The following TBC1D22A variants were observed in gnomAD, a reference collection of about 807,000 sequenced individuals.
TBC1D22A encodes putative GTPase activator.
In TBC1D22A, 38 loss-of-function variants were observed where a neutral mutation model predicts 60.2. The ratio of observed to expected loss-of-function variants is 0.63; its 90% confidence interval spans 0.49 to 0.83. The LOEUF (loss-of-function observed/expected upper bound fraction) is 0.83, where lower values mean the gene tolerates loss of function less well. Ranked by LOEUF, TBC1D22A falls within the 40% of genes least tolerant of loss-of-function variation. The pLI is 0.00. For missense variants in TBC1D22A, 628 were observed against 701.0 expected, an observed-to-expected ratio of 0.90 and a Z score of 1.18; for synonymous variants, 302 against 281.7, an observed-to-expected ratio of 1.07 and a Z score of -0.72.
intron 12 of TBC1D22A, among the ~76,000 whole-genome samples, chr22:47,127,938 A>ATCCTCTCCCACCCACCCC (rs2066525083): frequency 3.0e-5 from 1 of 33,418 alleles, no homozygotes; most frequent in African/African-American, 1.1e-4. Context: ...CCACCCACCC[A>ATCCTCTCCCACCCACCCC]TCCTCTCCTC....
intron 8 of TBC1D22A, among the ~76,000 whole-genome samples, chr22:46,960,034 CAA>C (rs1014644395): frequency 4.6e-5 from 7 of 152,150 alleles, no homozygotes; most frequent in African/African-American, 1.7e-4. Flanking sequence ...AGGATGGTGT[CAA>C]AGACTAACAT....
chr22:47,131,675 G>T (rs565086977), intron 12 of TBC1D22A, among the ~76,000 whole-genome samples: 1 of 152,226 alleles, frequency 6.6e-6, no homozygotes, highest in Non-Finnish European at 1.5e-5. Flanking sequence ...GACAGTGGGG[G>T]TCAGAGCCTG....
intron 1 of TBC1D22A, among the ~76,000 whole-genome samples, chr22:46,784,820 G>C (rs199800208): frequency 6.6e-6 from 1 of 152,220 alleles, no homozygotes; most frequent in East Asian, 1.9e-4. Context: ...CCAGTATTCA[G>C]ATTTCTGTGA....
At chr22:46,899,955 C>G (rs1309341351) in intron 7 of TBC1D22A, among the ~76,000 whole-genome samples, 1 of 152,080 alleles carries the variant, frequency 6.6e-6, no homozygotes, top group Non-Finnish European at 1.5e-5. Flanking sequence ...AGCATCCCTC[C>G]AACCCCCTGC....
At chr22:47,131,366 A>T (rs534908389) in intron 12 of TBC1D22A, among the ~76,000 whole-genome samples, 62 of 152,348 alleles carry the variant, frequency 4.1e-4, no homozygotes, top group African/African-American at 1.5e-3. Context: ...AGAAATGGTG[A>T]ACCTGCCTGC....
At chr22:47,097,805 C>T (rs2065242973) in intron 11 of TBC1D22A, among the ~76,000 whole-genome samples, 1 of 152,044 alleles carries the variant, frequency 6.6e-6, no homozygotes, top group Admixed American at 6.6e-5. Context: ...GTAATATATT[C>T]CTGTGTTCTT....
intron 1 of TBC1D22A, chr22:46,764,231 C>G (rs186008762): frequency 6.6e-6 from 1 of 152,186 alleles, no homozygotes; most frequent in African/African-American, 2.4e-5. Context: ...TCCACAGGAC[C>G]GTGCTTGATT....
chr22:46,810,454 A>AG (rs1555899033), intron 4 of TBC1D22A, among the ~76,000 whole-genome samples: 6 of 151,662 alleles, frequency 4.0e-5, no homozygotes, highest in Admixed American at 2.6e-4. Flanking sequence ...AAAAAAAAAA[A>AG]GTATATATTT....
chr22:46,881,773 G>A (rs929463749), intron 5 of TBC1D22A, among the ~76,000 whole-genome samples: 2 of 152,152 alleles, frequency 1.3e-5, no homozygotes, highest in African/African-American at 4.8e-5. Context: ...GGCAAGCGTT[G>A]GTTCTTTTTC....
chr22:47,130,541 T>C (rs764567576), intron 12 of TBC1D22A, among the ~76,000 whole-genome samples: 2 of 152,196 alleles, frequency 1.3e-5, no homozygotes, highest in Non-Finnish European at 2.9e-5. Context: ...TTCGCGGGAA[T>C]TTGCTCTCCT....
rs183695351 is a variant in TBC1D22A, at chr22:46,807,035, C to T, written c.637+9415C>T. On this transcript the variant is annotated intron_variant, in intron 4 of 12. Transcript: ENST00000337137. ...TATTTTATAAGAGGATTGGCAGGTT[C>T]TGTGACCGCAGATTCTTCCTGCTCA... Among the ~76,000 whole-genome samples, 21 of 152,370 alleles carry T rather than the reference C, an allele frequency of 1.4e-4. 1 individual carries two copies. In the East Asian group the frequency reaches 3.9e-3, roughly 28 times the overall value.
intron 4 of TBC1D22A, among the ~76,000 whole-genome samples, chr22:46,861,763 G>A (rs897613078): frequency 1.3e-5 from 2 of 152,254 alleles, no homozygotes; most frequent in East Asian, 1.9e-4. Context: ...CTGAGCAGTC[G>A]TCTTGGCCAT....
rs563341800 is a variant in TBC1D22A at position 47,057,689 on chromosome 22, A to G, written c.1329+20491A>G. On this transcript the variant is annotated intron_variant, in intron 11 of 12. Transcript: ENST00000337137. ...GCGTGTGCAGGGAGCCGCCCTTTAT[A>G]AAACCGTCAGATCTCATGAGACTTA... 5.9e-5 allele frequency among the ~76,000 whole-genome samples: 9 copies of G among 152,304 alleles called. No individual in the cohort carries two copies. In the East Asian group the frequency reaches 1.5e-3, roughly 26 times the overall value.
intron 1 of TBC1D22A, among the ~76,000 whole-genome samples, chr22:46,778,166 A>G (rs1466065122): frequency 6.6e-6 from 1 of 152,132 alleles, no homozygotes; most frequent in Admixed American, 6.5e-5. Flanking sequence ...CGGTGAATGA[A>G]GGGTGAGTGA....
intron 4 of TBC1D22A, among the ~76,000 whole-genome samples, chr22:46,868,070 C>T (rs1048222765): frequency 3.9e-5 from 6 of 152,192 alleles, no homozygotes; most frequent in South Asian, 2.1e-4. Flanking sequence ...ACAGCGGGTG[C>T]GGGTGTTCTG....
chr22:47,031,117 G>A (rs370534655), intron 10 of TBC1D22A, among the ~76,000 whole-genome samples: 2 of 152,212 alleles, frequency 1.3e-5, no homozygotes, highest in East Asian at 3.9e-4. Flanking sequence ...GGAGTCCCTT[G>A]CTGTGGCCAC....
intron 4 of TBC1D22A, among the ~76,000 whole-genome samples, chr22:46,832,505 G>C (rs1410208852): frequency 6.6e-6 from 1 of 152,086 alleles, no homozygotes; most frequent in Non-Finnish European, 1.5e-5. Flanking sequence ...AAAAAGCTGG[G>C]TGTGGTGGCG....
intron 11 of TBC1D22A, among the ~76,000 whole-genome samples, chr22:47,038,220 C>A (rs926489260): frequency 6.6e-6 from 1 of 152,240 alleles, no homozygotes; most frequent in African/African-American, 2.4e-5. Context: ...GGCTGGTTTT[C>A]ATCCCGGCAC....
Position 46,969,884 on chromosome 22 carries a change from A to G in TBC1D22A, c.1016-4406A>G, listed in dbSNP as rs1365335304. Among the ~76,000 whole-genome samples the G allele has an allele frequency of 2.0e-5, 3 of 152,366 alleles. No homozygotes were observed. In the East Asian group the frequency reaches 5.8e-4, roughly 29 times the overall value. On this transcript the variant is annotated intron_variant, in intron 8 of 12. Transcript: ENST00000337137. ...TGGTGTTAATGTTTATAATTAAATG[A>G]GAAAAGTAAAAGATACAATCATATT...
Sources: allele counts gnomAD v4.1 joint callset (sites outside exome capture counted in the v4.1 genomes callset), GRCh38; gene constraint gnomAD v4.1.1; transcripts MANE v1.5; gene names NCBI Gene and HGNC (gene_info 2026-07-23, HGNC 2026-07-21).